The following CARMIL1 variants were observed in gnomAD, a reference collection of about 807,000 sequenced individuals.
The protein encoded by CARMIL1 is F-actin-uncapping protein LRRC16A.
A neutral mutation model predicts 177.1 loss-of-function variants in CARMIL1; 90 were observed. That is an observed-to-expected ratio of 0.51 (90% CI 0.43 to 0.61). The LOEUF is 0.61. CARMIL1 is among the 20% of genes least tolerant of loss of function. The pLI, the probability that CARMIL1 is intolerant of heterozygous loss-of-function variation, is 0.00. For missense variants in CARMIL1, 1,380 were observed against 1,667.0 expected, an observed-to-expected ratio of 0.83 and a Z score of 3.00; for synonymous variants, 577 against 606.2, an observed-to-expected ratio of 0.95 and a Z score of 0.71.
At chr6:25,343,301 A>G (rs950983222) in intron 2 of CARMIL1, among the ~76,000 whole-genome samples, 4 of 148,316 alleles carry the variant, frequency 2.7e-5, no homozygotes, top group Non-Finnish European at 5.9e-5. Context: ...GAGTTAGCTA[A>G]AATCAGTATT....
At chr6:25,418,102 C>A (rs192271518) in intron 2 of CARMIL1, among the ~76,000 whole-genome samples, 1 of 152,112 alleles carries the variant, frequency 6.6e-6, no homozygotes, top group Non-Finnish European at 1.5e-5. Flanking sequence ...GTAAATGCAG[C>A]CAGAAAGTGG....
intron 2 of CARMIL1, among the ~76,000 whole-genome samples, chr6:25,315,679 A>G (rs1386261984): frequency 1.3e-5 from 2 of 152,242 alleles, no homozygotes; most frequent in Non-Finnish European, 2.9e-5. Flanking sequence ...CACTGTTGTC[A>G]TATAAATGAA....
At chr6:25,560,171 T>C (rs185495951) in intron 29 of CARMIL1, among the ~76,000 whole-genome samples, 1 of 152,300 alleles carries the variant, frequency 6.6e-6, no homozygotes, top group East Asian at 1.9e-4. Flanking sequence ...TAACTAAGCT[T>C]CTAATCAAAC....
At chr6:25,508,247 G>A (rs906424738) in intron 17 of CARMIL1, among the ~76,000 whole-genome samples, 1 of 152,164 alleles carries the variant, frequency 6.6e-6, no homozygotes, top group Admixed American at 6.5e-5. Flanking sequence ...GGGCCTGGCA[G>A]TCAGTCTTGA....
chr6:25,397,933 C>G (rs9467490), intron 2 of CARMIL1, among the ~76,000 whole-genome samples: 29 of 151,980 alleles, frequency 1.9e-4, no homozygotes, highest in African/African-American at 6.8e-4. Flanking sequence ...CTTTCTGTGT[C>G]TGTGTGTGCA....
chr6:25,483,934 A>AT (rs1405450892), intron 12 of CARMIL1, among the ~76,000 whole-genome samples: 3 of 151,664 alleles, frequency 2.0e-5, no homozygotes, highest in Non-Finnish European at 2.9e-5. Context: ...CACCCTGCTA[A>AT]TTTTTTTGTA....
At chr6:25,297,203 T>G (rs1219388208) in intron 2 of CARMIL1, among the ~76,000 whole-genome samples, 1 of 152,256 alleles carries the variant, frequency 6.6e-6, no homozygotes, top group Non-Finnish European at 1.5e-5. Flanking sequence ...CTTTGTTCAC[T>G]GAATCACAGT....
chr6:25,585,357 T>C (rs1813539241), intron 31 of CARMIL1, among the ~76,000 whole-genome samples: 1 of 152,140 alleles, frequency 6.6e-6, no homozygotes, highest in Admixed American at 6.5e-5. Context: ...TTTTCTAGAG[T>C]TTGTCTCTGA....
At chr6:25,381,652 A>G (rs1363666268) in intron 2 of CARMIL1, among the ~76,000 whole-genome samples, 1 of 152,164 alleles carries the variant, frequency 6.6e-6, no homozygotes, top group African/African-American at 2.4e-5. Context: ...GAACAGCCAA[A>G]TGGAAGACAT....
In CARMIL1 at chr6:25,336,239, C is replaced by CT. The variant is rs372937116; in HGVS notation, c.138+51332dup. 2.8e-3 allele frequency among the ~76,000 whole-genome samples: 432 copies of CT among 152,276 alleles called. 4 individuals are homozygous for CT. Among genetic ancestry groups the CT allele is most frequent in the South Asian group, 9.5e-3 (46 of 4,822 alleles). ...CTTCTCATTCTGGCTTTAGGAACTA[C>CT]TTGCTGTCTTGACAGTGACAGGTTT... is the stretch of plus-strand genomic sequence containing the variant. On this transcript the variant is annotated intron_variant, in intron 2 of 36. Coordinates refer to ENST00000329474, the MANE Select transcript of CARMIL1 (RefSeq NM_017640.6).
intron 25 of CARMIL1, among the ~76,000 whole-genome samples, chr6:25,539,449 C>G (rs1180640427): frequency 6.6e-6 from 1 of 151,590 alleles, no homozygotes; most frequent in Non-Finnish European, 1.5e-5. Context: ...CTTTCATACC[C>G]CAGATGAAGA....
At chr6:25,374,700 A>G in intron 2 of CARMIL1, among the ~76,000 whole-genome samples, 1 of 152,162 alleles carries the variant, frequency 6.6e-6, no homozygotes. Flanking sequence ...CTGGAGTTCA[A>G]GACTTAGGTG....
chr6:25,320,440 C>G (rs1444703619), intron 2 of CARMIL1, among the ~76,000 whole-genome samples: 1 of 152,198 alleles, frequency 6.6e-6, no homozygotes, highest in Non-Finnish European at 1.5e-5. Context: ...CTTGTTTTAC[C>G]TTTATTTGGA....
At chr6:25,548,223 C>A (rs191896449) in intron 26 of CARMIL1, among the ~76,000 whole-genome samples, 1 of 152,212 alleles carries the variant, frequency 6.6e-6, no homozygotes, top group Admixed American at 6.5e-5. Context: ...GAGGAAATAT[C>A]TAGGAATAAA....
At chr6:25,572,013 T>C (rs1582400954) in intron 29 of CARMIL1, among the ~76,000 whole-genome samples, 1 of 152,148 alleles carries the variant, frequency 6.6e-6, no homozygotes, top group East Asian at 1.9e-4. Flanking sequence ...TTGGGGGAAT[T>C]TGAATATGGA....
At chr6:25,501,098 G>C (rs1048045207) in intron 17 of CARMIL1, among the ~76,000 whole-genome samples, 4 of 151,954 alleles carry the variant, frequency 2.6e-5, no homozygotes, top group Non-Finnish European at 4.4e-5. Flanking sequence ...CTAGACTTTT[G>C]CTATCTTGAA....
chr6:25,436,784 T>G (rs1459243813), intron 5 of CARMIL1, among the ~76,000 whole-genome samples: 1 of 152,210 alleles, frequency 6.6e-6, no homozygotes, highest in Non-Finnish European at 1.5e-5. Flanking sequence ...TGTGGTTCTC[T>G]GATTATCAGG....
rs1161469475 is a variant in CARMIL1 at position 25,515,684 on chromosome 6, T to C, written c.1642T>C (p.Ser548Pro). Residue 548 changes from serine (S) to proline (P), a missense_variant, in exon 21 of 37, where the codon TCC becomes CCC. Coordinates refer to ENST00000329474, the MANE Select transcript of CARMIL1 (RefSeq NM_017640.6). The surrounding 1 kb of genome is among the most constrained non-coding windows in gnomAD (Gnocchi z 5.0). Reference protein sequence around the residue: ...MIQDEESPLQSLSLADSKLKT... With the variant: ...MIQDEESPLQPLSLADSKLKT... Reference sequence around the variant, plus strand: ...GTCATTTGCTCCGCAGCCTCTGCAGTCCTTGTCCCTGGCTGACTCGAAACT... The same window carrying C: ...GTCATTTGCTCCGCAGCCTCTGCAGCCCTTGTCCCTGGCTGACTCGAAACT... 6.2e-7 allele frequency: 1 copy of C among 1,602,860 alleles called. No individual in the cohort carries two copies. Among genetic ancestry groups the C allele is most frequent in the Non-Finnish European group, 8.5e-7 (1 of 1,174,890 alleles).
chr6:25,436,789 A>G lies in CARMIL1; in HGVS notation c.371+1185A>G, dbSNP rs536815990. On this transcript the variant is annotated intron_variant, in intron 5 of 36. Coordinates refer to ENST00000329474, the MANE Select transcript of CARMIL1 (RefSeq NM_017640.6). ...GCTTAAGTCTTGTGGTTCTCTGATT[A>G]TCAGGGTAGCTGGTTGCCGGGGGAG... Among the ~76,000 whole-genome samples the G allele has an allele frequency of 2.0e-5, 3 of 152,292 alleles. No individual in the cohort carries two copies. In the East Asian group the frequency reaches 5.8e-4, roughly 29 times the overall value.
Sources: gnomAD v4.1 joint callset for allele counts (sites outside exome capture counted in the v4.1 genomes callset) on GRCh38, gnomAD v4.1.1 for gene constraint, Gnocchi (gnomAD v3.1) non-coding constraint, MANE v1.5 for transcripts, NCBI Gene and HGNC (gene_info 2026-07-23, HGNC 2026-07-21) for gene names.